Variants in NCAM2 observed in about 807,000 individuals in gnomAD.
NCAM2 encodes the protein neural cell adhesion molecule 2.
Under a neutral mutation model 98.1 loss-of-function variants are expected in NCAM2, and 30 were observed. The ratio of observed to expected loss-of-function variants is 0.31; its 90% CI spans 0.23 to 0.41. The LOEUF (loss-of-function observed/expected upper bound fraction) is 0.41. Among genes scored for constraint, NCAM2 ranks in the 10% least tolerant of loss-of-function variants. The pLI, the probability that NCAM2 is intolerant of heterozygous loss-of-function variation, is 1.00. For synonymous variants in NCAM2, 368 were observed against 342.4 expected (o/e 1.07, Z -0.83); for missense variants, 867 against 1,005.8 (o/e 0.86, Z 1.87).
chr21:21,457,465 C>A (rs1412600024), intron 12 of NCAM2, among the ~76,000 whole-genome samples: 1 of 152,048 alleles, frequency 6.6e-6, no homozygotes, highest in African/African-American at 2.4e-5. Flanking sequence ...TATGGTGAAA[C>A]CTTGTTTCTA....
chr21:21,015,882 T>A (rs1356765984), intron 1 of NCAM2, among the ~76,000 whole-genome samples: 1 of 151,960 alleles, frequency 6.6e-6, no homozygotes, highest in Non-Finnish European at 1.5e-5. Flanking sequence ...TTTTTTTTTG[T>A]ATTTTTAGTA....
At chr21:21,350,247 AAACTT>A (rs1392367108) in intron 8 of NCAM2, among the ~76,000 whole-genome samples, 2 of 152,160 alleles carry the variant, frequency 1.3e-5, no homozygotes, top group Non-Finnish European at 2.9e-5. Flanking sequence ...AAAAATCTAG[AAACTT>A]AACACTATTC....
intron 12 of NCAM2, among the ~76,000 whole-genome samples, chr21:21,455,104 TA>T (rs1342640264): frequency 2.6e-5 from 4 of 151,396 alleles, no homozygotes; most frequent in Non-Finnish European, 5.9e-5. Flanking sequence ...TATGTGTTTT[TA>T]CGTCTACCAT....
At chr21:21,425,655 A>AC (rs397866378) in intron 11 of NCAM2, among the ~76,000 whole-genome samples, 2 of 152,094 alleles carry the variant, frequency 1.3e-5, no homozygotes, top group African/African-American at 4.8e-5. Context: ...CAAAAAAAAA[A>AC]TGAAAGAAAT....
At position 21,475,909 on chromosome 21, in the gene NCAM2, AT is replaced by A. The variant is rs369069202; in HGVS notation, c.1897-1381del. Among the ~76,000 whole-genome samples the A allele has an allele frequency of 2.3e-3, 350 of 152,296 alleles. 2 individuals carry two copies. The highest frequency in any genetic ancestry group is 7.9e-3 in the African/African-American group (327 of 41,568). On this transcript the variant is annotated intron_variant, in intron 14 of 17. Transcript: ENST00000400546. ...TAAAAGTTCTGTGTCACCAAAAAAAATATTAACTAGAAAAAGAGAATACTAG... is the reference window on the plus strand; with the variant it reads ...TAAAAGTTCTGTGTCACCAAAAAAAAATTAACTAGAAAAAGAGAATACTAG...
chr21:21,447,115 C>T (rs1438866796), intron 12 of NCAM2, among the ~76,000 whole-genome samples: 1 of 152,040 alleles, frequency 6.6e-6, no homozygotes, highest in Admixed American at 6.6e-5. Flanking sequence ...GCAAAAAGAA[C>T]AAAGCTAGAG....
intron 11 of NCAM2, among the ~76,000 whole-genome samples, chr21:21,425,400 G>C (rs557793695): frequency 6.6e-6 from 1 of 152,012 alleles, no homozygotes; most frequent in South Asian, 2.1e-4. Context: ...ATGTTTGAAT[G>C]GTTCATTGTG....
chr21:21,466,195 T>C lies in NCAM2; in HGVS notation c.1655-411T>C, dbSNP rs144106638. On this transcript the variant is annotated intron_variant, in intron 12 of 17. Transcript: ENST00000400546. ...ACCTGACATTGGAAGCCAATCTGCA[T>C]ATTAAATTCCATGATTCTATTAAAT... is the stretch of plus-strand genomic sequence containing the variant. 7.9e-5 allele frequency among the ~76,000 whole-genome samples: 12 copies of C among 152,158 alleles called. No homozygotes were observed. The East Asian group carries it at 2.3e-3, about 29-fold the overall frequency.
At chr21:21,439,609 T>C (rs762761468) in intron 12 of NCAM2, among the ~76,000 whole-genome samples, 28 of 152,184 alleles carry the variant, frequency 1.8e-4, no homozygotes, top group Non-Finnish European at 3.7e-4. Flanking sequence ...ATGCCTGTTC[T>C]TGATAGGTCA....
At chr21:21,243,802 A>G (rs953021672) in intron 1 of NCAM2, among the ~76,000 whole-genome samples, 11 of 152,170 alleles carry the variant, frequency 7.2e-5, no homozygotes, top group African/African-American at 2.7e-4. Flanking sequence ...GAAAGAATAG[A>G]TAGAGGGTTG....
chr21:21,360,301 C>T (rs549645589), intron 8 of NCAM2, among the ~76,000 whole-genome samples: 73 of 151,848 alleles, frequency 4.8e-4, no homozygotes, highest in African/African-American at 1.7e-3. Flanking sequence ...TAAGATCAAC[C>T]GTATGTTTAG....
intron 10 of NCAM2, among the ~76,000 whole-genome samples, chr21:21,413,314 C>T (rs1196630977): frequency 6.6e-6 from 1 of 152,058 alleles, no homozygotes; most frequent in East Asian, 1.9e-4. Context: ...GTGTCCATGA[C>T]TTTCTTATCA....
At chr21:21,297,107 G>A (rs1014216357) in intron 5 of NCAM2, among the ~76,000 whole-genome samples, 1 of 151,764 alleles carries the variant, frequency 6.6e-6, no homozygotes, top group Non-Finnish European at 1.5e-5. Context: ...TTGAGTTAAT[G>A]ACTATAGGAT....
At chr21:21,497,409 T>C (rs1987319683) in intron 15 of NCAM2, among the ~76,000 whole-genome samples, 1 of 152,024 alleles carries the variant, frequency 6.6e-6, no homozygotes, top group Non-Finnish European at 1.5e-5. Context: ...ATAATCTACT[T>C]GTTTATAGTT....
At chr21:21,124,895 C>T (rs2066754833) in intron 1 of NCAM2, among the ~76,000 whole-genome samples, 1 of 152,052 alleles carries the variant, frequency 6.6e-6, no homozygotes, top group South Asian at 2.1e-4. Flanking sequence ...CTGATTGTAT[C>T]ATTTTAGAAA....
chr21:21,217,903 G>A (rs1054930845), intron 1 of NCAM2, among the ~76,000 whole-genome samples: 1 of 152,172 alleles, frequency 6.6e-6, no homozygotes, highest in Admixed American at 6.5e-5. Flanking sequence ...CAAGAACACA[G>A]GCTGAAAGCT....
At chr21:21,319,555 C>T (rs1385997968) in intron 5 of NCAM2, among the ~76,000 whole-genome samples, 1 of 152,252 alleles carries the variant, frequency 6.6e-6, no homozygotes, top group East Asian at 1.9e-4. Flanking sequence ...GCAGGAGAAT[C>T]ACTTGAACCC....
At chr21:21,484,186 T>A (rs1986141690) in intron 15 of NCAM2, among the ~76,000 whole-genome samples, 1 of 152,150 alleles carries the variant, frequency 6.6e-6, no homozygotes, top group South Asian at 2.1e-4. Flanking sequence ...AGAATAAACA[T>A]CAATATTGAC....
intron 1 of NCAM2, among the ~76,000 whole-genome samples, chr21:21,186,738 T>A (rs1393662537): frequency 2.0e-5 from 3 of 152,184 alleles, no homozygotes; most frequent in Non-Finnish European, 4.4e-5. Context: ...TAAAAGATGA[T>A]CTACATGATG....
Sources: allele counts gnomAD v4.1 joint callset (sites outside exome capture counted in the v4.1 genomes callset), GRCh38; gene constraint gnomAD v4.1.1; transcripts MANE v1.5; gene names NCBI Gene and HGNC (gene_info 2026-07-23, HGNC 2026-07-21).